Variants in IQCM observed in about 807,000 individuals in gnomAD.
IQCM encodes the protein IQ domain-containing protein M.
In IQCM, 45 loss-of-function variants were observed where a neutral mutation model predicts 57.6. The observed-to-expected ratio is 0.78, with a 90% CI of 0.62 to 1.00. IQCM has a LOEUF of 1.00. Among genes scored for constraint, IQCM ranks in the 50% least tolerant of loss-of-function variants. The pLI is 0.00. For missense variants in IQCM, 468 were observed against 511.6 expected, an observed-to-expected ratio of 0.91 and a Z score of 0.82; for synonymous variants, 148 against 158.9, an observed-to-expected ratio of 0.93 and a Z score of 0.51.
intron 12 of IQCM, among the ~76,000 whole-genome samples, chr4:149,463,685 T>A (rs1738543639): frequency 6.6e-6 from 1 of 152,218 alleles, no homozygotes; most frequent in African/African-American, 2.4e-5. Flanking sequence ...GCATATGGGT[T>A]TTTATTTTGT....
chr4:149,357,517 C>G (rs1017541548), intron 13 of IQCM, among the ~76,000 whole-genome samples: 13 of 152,182 alleles, frequency 8.5e-5, no homozygotes, highest in South Asian at 6.2e-4. Context: ...CGGTTTTTGT[C>G]TTTGGTTCTG....
chr4:149,564,480 A>T (rs1303837509), intron 9 of IQCM, among the ~76,000 whole-genome samples: 1 of 152,180 alleles, frequency 6.6e-6, no homozygotes, highest in East Asian at 1.9e-4. Context: ...GAAGGAACAA[A>T]GTATTGATCC....
At chr4:149,807,081 C>T (rs1347864575) in intron 2 of IQCM, among the ~76,000 whole-genome samples, 4 of 151,786 alleles carry the variant, frequency 2.6e-5, no homozygotes, top group Non-Finnish European at 5.9e-5. Context: ...AATCTCTATA[C>T]TATCCAAAAC....
chr4:149,577,027 T>C (rs967254894), intron 9 of IQCM, among the ~76,000 whole-genome samples: 2 of 152,000 alleles, frequency 1.3e-5, no homozygotes, highest in East Asian at 3.9e-4. Context: ...TGGCCACATA[T>C]ATGTCTCATT....
intron 13 of IQCM, among the ~76,000 whole-genome samples, chr4:149,431,539 A>G (rs1477832283): frequency 3.3e-5 from 5 of 151,932 alleles, no homozygotes; most frequent in African/African-American, 9.7e-5. Flanking sequence ...GTACAATTCT[A>G]TGGGTTTTGA....
rs76356303 is a variant in IQCM, at chr4:149,791,222, T to C, written c.-49+24089A>G. Among the ~76,000 whole-genome samples, 142 of 152,272 alleles carry C rather than the reference T, an allele frequency of 9.3e-4. 2 individuals are homozygous for C. In the East Asian group the frequency reaches 0.026, roughly 28 times the overall value. ...ACACATGTTTATTTGCCAAATTTTA[T>C]TACTGTCTTTTATTGATTTTTATCT... On this transcript the variant is annotated intron_variant, in intron 2 of 13. Transcript: ENST00000636793.
chr4:149,357,168 A>G (rs1261245544), intron 13 of IQCM, among the ~76,000 whole-genome samples: 2 of 152,180 alleles, frequency 1.3e-5, no homozygotes, highest in East Asian at 1.9e-4. Context: ...GGTTTTCTAG[A>G]TATACAATCA....
At chr4:149,687,978 C>T (rs561325934) in intron 5 of IQCM, among the ~76,000 whole-genome samples, 2 of 152,052 alleles carry the variant, frequency 1.3e-5, no homozygotes, top group South Asian at 4.1e-4. Flanking sequence ...CTATGACAAA[C>T]CCACAGCCGA....
At chr4:149,637,003 C>T (rs1561088819) in intron 7 of IQCM, among the ~76,000 whole-genome samples, 1 of 151,108 alleles carries the variant, frequency 6.6e-6, no homozygotes, top group African/African-American at 2.4e-5. Context: ...ATTAGCCGGG[C>T]GCGGTGGCAG....
intron 2 of IQCM, among the ~76,000 whole-genome samples, chr4:149,811,698 C>T (rs1460004235): frequency 6.6e-6 from 1 of 152,180 alleles, no homozygotes; most frequent in Non-Finnish European, 1.5e-5. Flanking sequence ...TCAGCTCAGG[C>T]TTGCCTTATA....
At chr4:149,720,992 C>T (rs1009264846) in intron 5 of IQCM, among the ~76,000 whole-genome samples, 2 of 152,004 alleles carry the variant, frequency 1.3e-5, no homozygotes, top group African/African-American at 4.8e-5. Context: ...TAAATTCTTC[C>T]GAGTAATTTT....
chr4:149,579,724 T>G (rs1275850416), intron 9 of IQCM, among the ~76,000 whole-genome samples: 1 of 151,854 alleles, frequency 6.6e-6, no homozygotes, highest in African/African-American at 2.4e-5. Context: ...AAAACAGGCC[T>G]AGAAGACTTA....
chr4:149,486,673 G>A (rs945934836), intron 12 of IQCM, among the ~76,000 whole-genome samples: 2 of 152,162 alleles, frequency 1.3e-5, no homozygotes, highest in Non-Finnish European at 2.9e-5. Flanking sequence ...TTGAACCCAG[G>A]AGGTGGAGGT....
chr4:149,572,667 T>C (rs1186961973), intron 9 of IQCM, among the ~76,000 whole-genome samples: 2 of 152,020 alleles, frequency 1.3e-5, no homozygotes, highest in African/African-American at 4.8e-5. Flanking sequence ...CCAGAGCGCC[T>C]TGAAGGTTTC....
chr4:149,464,629 AC>A (rs1362611746), intron 12 of IQCM, among the ~76,000 whole-genome samples: 3 of 151,986 alleles, frequency 2.0e-5, no homozygotes, highest in African/African-American at 7.2e-5. Flanking sequence ...ACCTTTTGAG[AC>A]CTTTTGACCT....
At chr4:149,666,277 C>G (rs928726055) in intron 7 of IQCM, 1 of 152,068 alleles carries the variant, frequency 6.6e-6, no homozygotes, top group East Asian at 2.0e-4. Context: ...CCAGGGAGGG[C>G]AAGCAGAAGC....
At chr4:149,655,528 T>C (rs113454896) in intron 7 of IQCM, among the ~76,000 whole-genome samples, 7 of 152,290 alleles carry the variant, frequency 4.6e-5, no homozygotes, top group African/African-American at 1.7e-4. Flanking sequence ...TTATGAAATA[T>C]CTATTAATGT....
intron 9 of IQCM, among the ~76,000 whole-genome samples, chr4:149,571,059 A>G (rs947216657): frequency 6.6e-6 from 1 of 152,102 alleles, no homozygotes; most frequent in African/African-American, 2.4e-5. Context: ...AATGTAAATT[A>G]GCACAACCTT....
At chr4:149,559,009 T>C (rs1749860212) in intron 10 of IQCM, among the ~76,000 whole-genome samples, 1 of 152,138 alleles carries the variant, frequency 6.6e-6, no homozygotes, top group Non-Finnish European at 1.5e-5. Context: ...TTGCCTGCCC[T>C]TTCCCTTAAA....
Sources: gnomAD v4.1 joint callset for allele counts (sites outside exome capture counted in the v4.1 genomes callset) on GRCh38, gnomAD v4.1.1 for gene constraint, MANE v1.5 for transcripts, NCBI Gene and HGNC (gene_info 2026-07-23, HGNC 2026-07-21) for gene names.